Variants in TMTC2 observed in about 807,000 individuals in gnomAD.
TMTC2 encodes protein O-mannosyl-transferase TMTC2.
A neutral mutation model predicts 82.4 loss-of-function variants in TMTC2; 43 were observed. That is an observed-to-expected ratio of 0.52 (90% CI 0.41 to 0.67). The LOEUF is 0.67. Among genes scored for constraint, TMTC2 ranks in the 30% least tolerant of loss-of-function variants. The probability of loss-of-function intolerance (pLI) is 0.00; values close to 1 mark genes in which losing one functional copy is unlikely to be tolerated. For missense variants in TMTC2, 919 were observed against 1,012.4 expected (o/e 0.91, Z 1.25); for synonymous variants, 408 against 381.9 (o/e 1.07, Z -0.80).
At chr12:83,051,268 A>G (rs1399425488) in intron 10 of TMTC2, among the ~76,000 whole-genome samples, 2 of 152,146 alleles carry the variant, frequency 1.3e-5, no homozygotes, top group East Asian at 3.8e-4. Flanking sequence ...ACTTTCTTTA[A>G]ACATTATTAT....
chr12:82,823,459 A>G (rs1869231871), intron 1 of TMTC2, among the ~76,000 whole-genome samples: 1 of 152,198 alleles, frequency 6.6e-6, no homozygotes, highest in South Asian at 2.1e-4. Flanking sequence ...TGCTATTTAT[A>G]TGAGTACTCT....
chr12:82,991,671 T>C (rs1021030949), intron 8 of TMTC2, among the ~76,000 whole-genome samples: 1 of 152,194 alleles, frequency 6.6e-6, no homozygotes, highest in Non-Finnish European at 1.5e-5. Flanking sequence ...CAAGATGAGT[T>C]TGAATTGCTC....
intron 1 of TMTC2, among the ~76,000 whole-genome samples, chr12:82,744,053 G>A (rs73356328): frequency 0.082 from 12,455 of 152,136 alleles, 526 homozygotes; most frequent in South Asian, 0.11. Flanking sequence ...CGGGAGGATC[G>A]CTCGAAGCCA....
chr12:82,739,475 G>C (rs114058282), intron 1 of TMTC2, among the ~76,000 whole-genome samples: 2,288 of 152,178 alleles, frequency 0.015, 60 homozygotes, highest in African/African-American at 0.052. Flanking sequence ...CCAAAAAGCA[G>C]ATGCCATGAG....
At chr12:82,999,176 G>GGC (rs1879805198) in intron 8 of TMTC2, among the ~76,000 whole-genome samples, 4 of 152,074 alleles carry the variant, frequency 2.6e-5, no homozygotes, top group African/African-American at 9.7e-5. Context: ...TCCTCTTGCT[G>GGC]TGACAGTTTC....
At chr12:82,723,949 G>A (rs960886615) in intron 1 of TMTC2, among the ~76,000 whole-genome samples, 9 of 152,110 alleles carry the variant, frequency 5.9e-5, no homozygotes, top group Non-Finnish European at 1.3e-4. Flanking sequence ...GCCCCATTTT[G>A]TCATTTATCC....
At chr12:83,049,667 C>T (rs979666410) in intron 9 of TMTC2, among the ~76,000 whole-genome samples, 3 of 152,222 alleles carry the variant, frequency 2.0e-5, no homozygotes, top group East Asian at 3.9e-4. Flanking sequence ...TATTATTTCG[C>T]GTATGTACAC....
At chr12:82,947,266 A>C (rs932138989) in intron 4 of TMTC2, among the ~76,000 whole-genome samples, 3 of 152,206 alleles carry the variant, frequency 2.0e-5, no homozygotes, top group African/African-American at 7.2e-5. Context: ...GTTAGGTGCA[A>C]ACCTGGGCTG....
At chr12:82,827,904 T>TC (rs1869514393) in intron 1 of TMTC2, among the ~76,000 whole-genome samples, 1 of 151,204 alleles carries the variant, frequency 6.6e-6, no homozygotes, top group South Asian at 2.1e-4. Context: ...TTTTTTTTTT[T>TC]TCTTTTGAGA....
intron 1 of TMTC2, among the ~76,000 whole-genome samples, chr12:82,738,122 C>G (rs1307437476): frequency 6.6e-6 from 1 of 152,104 alleles, no homozygotes; most frequent in Non-Finnish European, 1.5e-5. Flanking sequence ...TAGTATAAGT[C>G]CTTTGGTCTA....
intron 9 of TMTC2, among the ~76,000 whole-genome samples, chr12:83,044,552 G>A (rs892734891): frequency 6.6e-6 from 1 of 152,118 alleles, no homozygotes; most frequent in Non-Finnish European, 1.5e-5. Context: ...AGAAGTATGG[G>A]CACTATTTAG....
chr12:82,737,739 A>G (rs1266016266), intron 1 of TMTC2, among the ~76,000 whole-genome samples: 1 of 152,210 alleles, frequency 6.6e-6, no homozygotes, highest in Non-Finnish European at 1.5e-5. Flanking sequence ...TTTGAGGTTG[A>G]CTTAAATCTG....
intron 8 of TMTC2, among the ~76,000 whole-genome samples, chr12:83,003,210 C>T (rs967780264): frequency 7.9e-5 from 12 of 152,034 alleles, no homozygotes. Context: ...GGTTTAACGT[C>T]TGTTTTATCT....
intron 8 of TMTC2, among the ~76,000 whole-genome samples, chr12:82,997,944 C>T (rs960884953): frequency 1.3e-5 from 2 of 152,080 alleles, no homozygotes; most frequent in African/African-American, 4.8e-5. Flanking sequence ...AAGTTGAATC[C>T]ATTTATCCCA....
chr12:82,914,910 C>A (rs969115002), intron 3 of TMTC2, among the ~76,000 whole-genome samples: 1 of 147,458 alleles, frequency 6.8e-6, no homozygotes, highest in South Asian at 2.2e-4. Flanking sequence ...ACTGCAACCT[C>A]TGCCTCCCAG....
chr12:83,062,748 A>G (rs919028769), intron 11 of TMTC2, among the ~76,000 whole-genome samples: 2 of 151,754 alleles, frequency 1.3e-5, no homozygotes, highest in Non-Finnish European at 2.9e-5. Context: ...ACAATCAACT[A>G]ATTGAAATAC....
intron 1 of TMTC2, among the ~76,000 whole-genome samples, chr12:82,728,528 C>T (rs566428031): frequency 4.6e-5 from 7 of 152,172 alleles, no homozygotes; most frequent in South Asian, 2.1e-4. Context: ...CCAGACCAGC[C>T]GGGCCAACAT....
intron 11 of TMTC2, among the ~76,000 whole-genome samples, chr12:83,077,293 C>T (rs1883311914): frequency 6.6e-6 from 1 of 152,188 alleles, no homozygotes; most frequent in African/African-American, 2.4e-5. Context: ...AGGATAGGCA[C>T]TTTCTTATCT....
At chr12:82,783,986 A>G (rs542582251) in intron 1 of TMTC2, among the ~76,000 whole-genome samples, 6 of 152,202 alleles carry the variant, frequency 3.9e-5, no homozygotes, top group African/African-American at 1.4e-4. Flanking sequence ...GAGTACATGG[A>G]TGATGAGAAT....
Sources: allele counts gnomAD v4.1 joint callset (sites outside exome capture counted in the v4.1 genomes callset), GRCh38; gene constraint gnomAD v4.1.1; transcripts MANE v1.5; gene names NCBI Gene and HGNC (gene_info 2026-07-23, HGNC 2026-07-21).